DYNLT2: variants seen among roughly 807,000 people sequenced by gnomAD.
DYNLT2 encodes dynein light chain Tctex-type 2.
A neutral mutation model predicts 24.3 loss-of-function variants in DYNLT2; 24 were observed. The ratio of observed to expected loss-of-function variants is 0.99; its 90% CI spans 0.71 to 1.39. DYNLT2 has a LOEUF of 1.39. DYNLT2 is among the 40% of genes most tolerant of loss of function. DYNLT2 has a pLI of 0.00. For synonymous variants in DYNLT2, 85 were observed against 85.4 expected (o/e 1.00, Z 0.03); for missense variants, 246 against 234.5 (o/e 1.05, Z -0.32).
chr6:169,751,557 T>G lies in DYNLT2; in HGVS notation c.-99A>C. On this transcript the variant is annotated 5_prime_UTR_variant, in exon 1 of 4. Coordinates refer to ENST00000366774, the MANE Select transcript of DYNLT2 (RefSeq NM_174910.3). Reference sequence around the variant, plus strand: ...AGGGCGGAAGTCTCCCACCTGCGCCTCGTACGGTAGGAAGTGCCCGCCAGG... The same window carrying G: ...AGGGCGGAAGTCTCCCACCTGCGCCGCGTACGGTAGGAAGTGCCCGCCAGG... 6.2e-7 allele frequency: 1 copy of G among 1,609,870 alleles called. No homozygotes were observed. The highest frequency in any genetic ancestry group is 8.5e-7 in the Non-Finnish European group (1 of 1,178,516).
chr6:169,742,645 C>A (rs1789704143), intron 3 of DYNLT2, among the ~76,000 whole-genome samples: 1 of 152,106 alleles, frequency 6.6e-6, no homozygotes, highest in Admixed American at 6.6e-5. Context: ...GTTGCCCAGG[C>A]TGGAGTGCAG....
chr6:169,746,596 CAT>C (rs913975283), intron 1 of DYNLT2, among the ~76,000 whole-genome samples: 2 of 152,108 alleles, frequency 1.3e-5, no homozygotes, highest in Non-Finnish European at 2.9e-5. Flanking sequence ...ACATATTAAT[CAT>C]AGTTACTTAA....
rs1245826518 is a variant in DYNLT2 at position 169,740,298 on chromosome 6, G to A, written c.487-3C>T. 3.1e-6 allele frequency: 5 copies of A among 1,605,348 alleles called. No homozygotes were observed. The African/African-American group carries it at 6.7e-5, about 21-fold the overall frequency. ...TCCCAGATCCATCTGCTGGCAATCT[G>A]TGAGAGAAATTTTGTAAAGACCAAC... On this transcript the variant is annotated splice_region_variant and splice_polypyrimidine_tract_variant and intron_variant, in intron 3 of 3. Transcript: ENST00000366774.
chr6:169,745,338 G>A (rs985516402), intron 1 of DYNLT2, among the ~76,000 whole-genome samples: 1 of 152,136 alleles, frequency 6.6e-6, no homozygotes, highest in East Asian at 1.9e-4. Context: ...TCCTGACCTC[G>A]TGATCCACCT....
chr6:169,744,241 A>G lies in DYNLT2; in HGVS notation c.154T>C (p.Ser52Pro). ...TCCACATACTGAACATTGTGAATTG[A>G]CTCTCTCAGTCTTTCTCTTAAAATC... The part of the protein sequence containing the change: ...TQILRERLRE[S>P]IHNVQYVEPP... The change falls in exon 2 of 4, where the codon TCA becomes CCA. Residue 52 changes from serine (S) to proline (P), a missense_variant. Ser to Pro is a moderately conservative substitution (Grantham distance 74, BLOSUM62 -1). Coordinates refer to ENST00000366774, the MANE Select transcript of DYNLT2 (RefSeq NM_174910.3). 1 of 1,613,622 alleles carries G rather than the reference A, an allele frequency of 6.2e-7. No homozygotes were observed.
At chr6:169,726,355 G>A in the DYNLT2 span, among the ~76,000 whole-genome samples, 5 of 152,268 alleles carry the variant, frequency 3.3e-5, no homozygotes, top group South Asian at 1.0e-3. Context: ...AAAAATGGAG[G>A]TTTCAAGGTT....
chr6:169,725,445 A>G, the DYNLT2 span: 2 of 397,654 alleles, frequency 5.0e-6, no homozygotes. Flanking sequence ...GTCACCACTG[A>G]CGACGCCGGG....
chr6:169,730,782 C>G, the DYNLT2 span, among the ~76,000 whole-genome samples: 12 of 152,264 alleles, frequency 7.9e-5, no homozygotes, highest in Non-Finnish European at 1.8e-4. Context: ...CCTGTAGTCC[C>G]AGCTACTCAG....
At chr6:169,738,173 A>G (rs2128334830), downstream of DYNLT2, among the ~76,000 whole-genome samples, 1 of 152,324 alleles carries the variant, frequency 6.6e-6, no homozygotes, top group African/African-American at 2.4e-5. Flanking sequence ...GGAAAAGCGC[A>G]GCCTGGAACT....
chr6:169,750,508 G>GT (rs1236579005), intron 1 of DYNLT2: 1 of 152,124 alleles, frequency 6.6e-6, no homozygotes, highest in African/African-American at 2.4e-5. Flanking sequence ...ATCTTAAAAT[G>GT]TTTTAGGGTC....
At chr6:169,734,191 G>A in the DYNLT2 span, among the ~76,000 whole-genome samples, 2 of 152,270 alleles carry the variant, frequency 1.3e-5, no homozygotes, top group East Asian at 3.9e-4. Context: ...GGGCTGAGAT[G>A]ATGTGGTTTT....
intron 1 of DYNLT2, among the ~76,000 whole-genome samples, chr6:169,744,985 CTA>C: frequency 1.3e-5 from 2 of 152,224 alleles, no homozygotes; most frequent in South Asian, 4.1e-4. Context: ...ACTTCCAGCT[CTA>C]TGTTGAAAAG....
At chr6:169,731,206 G>A in the DYNLT2 span, among the ~76,000 whole-genome samples, 1 of 152,184 alleles carries the variant, frequency 6.6e-6, no homozygotes, top group Non-Finnish European at 1.5e-5. Flanking sequence ...GATTGACAGT[G>A]AGAAGTGTTG....
At chr6:169,726,023 C>G in the DYNLT2 span, among the ~76,000 whole-genome samples, 1 of 152,224 alleles carries the variant, frequency 6.6e-6, no homozygotes, top group South Asian at 2.1e-4. Context: ...CCTGAATACA[C>G]CTATAGTTTA....
At chr6:169,735,876 C>T (rs1789551252), downstream of DYNLT2, among the ~76,000 whole-genome samples, 1 of 152,300 alleles carries the variant, frequency 6.6e-6, no homozygotes, top group South Asian at 2.1e-4. Flanking sequence ...CTAATACTGA[C>T]AGTGGGGTGT....
chr6:169,731,002 G>A, the DYNLT2 span, among the ~76,000 whole-genome samples: 1 of 152,170 alleles, frequency 6.6e-6, no homozygotes, highest in Non-Finnish European at 1.5e-5. Flanking sequence ...GTACAGCCTA[G>A]GTGGAGGAGC....
intron 3 of DYNLT2, among the ~76,000 whole-genome samples, chr6:169,741,385 TC>T (rs1789675292): frequency 6.6e-6 from 1 of 152,132 alleles, no homozygotes; most frequent in African/African-American, 2.4e-5. Context: ...AGCCCACCAG[TC>T]AGACAAGTGA....
At chr6:169,728,361 G>T in the DYNLT2 span, among the ~76,000 whole-genome samples, 1 of 152,206 alleles carries the variant, frequency 6.6e-6, no homozygotes, top group African/African-American at 2.4e-5. Context: ...GACAGGAAAT[G>T]ATTGCATGAG....
At position 169,751,567 on chromosome 6, in the gene DYNLT2, G is replaced by A. The variant is rs1790081292; in HGVS notation, c.-109C>T. On this transcript the variant is annotated 5_prime_UTR_variant, in exon 1 of 4. Coordinates refer to ENST00000366774, the MANE Select transcript of DYNLT2 (RefSeq NM_174910.3). ...TCTCCCACCTGCGCCTCGTACGGTA[G>A]GAAGTGCCCGCCAGGGCTCCAAAGC... 1 of 1,608,602 alleles carries A rather than the reference G, an allele frequency of 6.2e-7. No individual in the cohort carries two copies. Among genetic ancestry groups the A allele is most frequent in the African/African-American group, 1.3e-5 (1 of 74,758 alleles).
Sources: allele counts gnomAD v4.1 joint callset (sites outside exome capture counted in the v4.1 genomes callset), GRCh38; gene constraint gnomAD v4.1.1; transcripts MANE v1.5; gene names NCBI Gene and HGNC (gene_info 2026-07-23, HGNC 2026-07-21).